The following CCDC148 variants were observed in gnomAD, a reference collection of about 807,000 sequenced individuals.
CCDC148 encodes coiled-coil domain containing 148.
A neutral mutation model predicts 85.7 loss-of-function variants in CCDC148; 89 were observed. That is an observed-to-expected ratio of 1.04 (90% CI 0.87 to 1.24). The LOEUF is 1.24. CCDC148 is among the 50% of genes most tolerant of loss of function. CCDC148 has a pLI of 0.00. For missense variants in CCDC148, 692 were observed against 671.7 expected (o/e 1.03, Z -0.33); for synonymous variants, 230 against 213.9 (o/e 1.08, Z -0.66).
At chr2:158,191,489 CT>C (rs1348332877) in intron 11 of CCDC148, among the ~76,000 whole-genome samples, 3 of 151,972 alleles carry the variant, frequency 2.0e-5, no homozygotes, top group African/African-American at 7.2e-5. Flanking sequence ...TCACAAACGC[CT>C]TCGGGGTTTT....
chr2:158,421,694 C>A (rs1345117384), intron 1 of CCDC148, among the ~76,000 whole-genome samples: 5 of 152,026 alleles, frequency 3.3e-5, no homozygotes, highest in Non-Finnish European at 4.4e-5. Context: ...GAAGCAAGAG[C>A]AAACACATTC....
chr2:158,339,414 T>G (rs1159309982), intron 5 of CCDC148, among the ~76,000 whole-genome samples: 1 of 152,166 alleles, frequency 6.6e-6, no homozygotes, highest in Non-Finnish European at 1.5e-5. Flanking sequence ...CATTCTTGCC[T>G]CTAATCCCCA....
chr2:158,349,365 T>A (rs181105825), intron 2 of CCDC148, among the ~76,000 whole-genome samples: 1 of 152,032 alleles, frequency 6.6e-6, no homozygotes. Context: ...AGTAGGCTGA[T>A]AATACAAATA....
chr2:158,383,614 T>C (rs1334989072), intron 1 of CCDC148, among the ~76,000 whole-genome samples: 1 of 152,138 alleles, frequency 6.6e-6, no homozygotes, highest in Non-Finnish European at 1.5e-5. Flanking sequence ...TTAGAAACAA[T>C]CACAGACTTA....
intron 1 of CCDC148, among the ~76,000 whole-genome samples, chr2:158,439,749 A>G (rs1422781076): frequency 6.6e-6 from 1 of 152,224 alleles, no homozygotes; most frequent in Non-Finnish European, 1.5e-5. Context: ...AGATATAGTA[A>G]TGCTCAATAA....
chr2:158,356,710 A>G (rs1380320035), intron 2 of CCDC148, among the ~76,000 whole-genome samples: 1 of 146,944 alleles, frequency 6.8e-6, no homozygotes, highest in Non-Finnish European at 1.5e-5. Flanking sequence ...ATACCATTTG[A>G]CCCAGCAATC....
At chr2:158,228,249 C>G (rs1687659895) in intron 10 of CCDC148, among the ~76,000 whole-genome samples, 1 of 152,124 alleles carries the variant, frequency 6.6e-6, no homozygotes, top group Admixed American at 6.5e-5. Context: ...AAATCAAAAC[C>G]ACAATGAGAT....
At chr2:158,202,249 G>C (rs78167952) in intron 11 of CCDC148, among the ~76,000 whole-genome samples, 1 of 152,110 alleles carries the variant, frequency 6.6e-6, no homozygotes, top group Admixed American at 6.6e-5. Context: ...ATTAATTAAC[G>C]TATGTATCTT....
intron 9 of CCDC148, among the ~76,000 whole-genome samples, chr2:158,254,637 AATAC>A (rs1688936766): frequency 6.6e-6 from 1 of 151,640 alleles, no homozygotes; most frequent in Non-Finnish European, 1.5e-5. Flanking sequence ...GAAGATCTGT[AATAC>A]ATTGAAACAG....
At chr2:158,409,544 C>A (rs1237947587) in intron 1 of CCDC148, among the ~76,000 whole-genome samples, 1 of 152,130 alleles carries the variant, frequency 6.6e-6, no homozygotes, top group African/African-American at 2.4e-5. Flanking sequence ...CTGTATTTAT[C>A]CAATGCTTGT....
chr2:158,311,499 A>C (rs1284761601), intron 8 of CCDC148, among the ~76,000 whole-genome samples: 1 of 152,154 alleles, frequency 6.6e-6, no homozygotes, highest in African/African-American at 2.4e-5. Flanking sequence ...GACCGTGGAA[A>C]GCGGGAGACG....
chr2:158,267,201 AC>A (rs1689504846), intron 9 of CCDC148, among the ~76,000 whole-genome samples: 1 of 151,942 alleles, frequency 6.6e-6, no homozygotes, highest in Non-Finnish European at 1.5e-5. Flanking sequence ...CCCACACCAA[AC>A]ATCAAACTCG....
intron 11 of CCDC148, among the ~76,000 whole-genome samples, chr2:158,187,870 G>A (rs1262672143): frequency 6.6e-6 from 1 of 151,956 alleles, no homozygotes; most frequent in East Asian, 1.9e-4. Flanking sequence ...GCTTTTATTT[G>A]TTCTTTATGT....
chr2:158,344,859 T>C (rs1682913958), intron 3 of CCDC148, among the ~76,000 whole-genome samples: 1 of 152,098 alleles, frequency 6.6e-6, no homozygotes, highest in African/African-American at 2.4e-5. Context: ...TGTTTGCCCG[T>C]GATAGGATCT....
chr2:158,376,039 A>G (rs1189483400), intron 1 of CCDC148, among the ~76,000 whole-genome samples: 5 of 152,160 alleles, frequency 3.3e-5, no homozygotes, highest in African/African-American at 1.2e-4. Flanking sequence ...ATAGACTGGG[A>G]TAATATGAAG....
intron 1 of CCDC148, among the ~76,000 whole-genome samples, chr2:158,434,357 AG>A (rs1687531463): frequency 6.6e-6 from 1 of 152,204 alleles, no homozygotes; most frequent in Non-Finnish European, 1.5e-5. Context: ...CCAAGCAAAC[AG>A]GGTCTGGAGT....
intron 9 of CCDC148, among the ~76,000 whole-genome samples, chr2:158,251,549 A>G (rs1206535904): frequency 6.6e-6 from 1 of 151,902 alleles, no homozygotes; most frequent in Non-Finnish European, 1.5e-5. Flanking sequence ...AGAGAAGACA[A>G]TTAACTGGAC....
intron 1 of CCDC148, among the ~76,000 whole-genome samples, chr2:158,369,832 T>C (rs1574708509): frequency 6.6e-6 from 1 of 152,142 alleles, no homozygotes; most frequent in Non-Finnish European, 1.5e-5. Context: ...CTTACTATTT[T>C]GAGGTATGTT....
chr2:158,453,461 A>T (rs1403559057), intron 1 of CCDC148, among the ~76,000 whole-genome samples: 1 of 152,090 alleles, frequency 6.6e-6, no homozygotes, highest in African/African-American at 2.4e-5. Context: ...AACCCTTCTC[A>T]GGCCCCGCTT....
Sources: allele counts gnomAD v4.1 joint callset (sites outside exome capture counted in the v4.1 genomes callset), GRCh38; gene constraint gnomAD v4.1.1; transcripts MANE v1.5; gene names NCBI Gene and HGNC (gene_info 2026-07-23, HGNC 2026-07-21).